The following ROBO1 variants were observed in gnomAD, a reference collection of about 807,000 sequenced individuals.
ROBO1 encodes roundabout guidance receptor 1.
A neutral mutation model predicts 195.9 loss-of-function variants in ROBO1; 149 were observed. That is an observed-to-expected ratio of 0.76 (90% CI 0.67 to 0.87). The LOEUF (loss-of-function observed/expected upper bound fraction) is 0.87. Among genes scored for constraint, ROBO1 ranks in the 40% least tolerant of loss-of-function variants. The probability of loss-of-function intolerance (pLI) is 0.00; values close to 1 mark genes in which losing one functional copy is unlikely to be tolerated. For synonymous variants in ROBO1, 816 were observed against 733.2 expected (o/e 1.11, Z -1.82); for missense variants, 1,933 against 2,068.3 (o/e 0.93, Z 1.27).
chr3:79,174,606 C>A (rs887274448), intron 2 of ROBO1, among the ~76,000 whole-genome samples: 1 of 152,024 alleles, frequency 6.6e-6, no homozygotes, highest in Non-Finnish European at 1.5e-5. Flanking sequence ...CAAATAGGAA[C>A]ACGTGGGTTC....
intron 1 of ROBO1, among the ~76,000 whole-genome samples, chr3:79,595,629 C>T (rs2107841020): frequency 6.6e-6 from 1 of 151,982 alleles, no homozygotes; most frequent in South Asian, 2.1e-4. Flanking sequence ...ACTCCAGTGC[C>T]TCTGAGATCC....
intron 4 of ROBO1, among the ~76,000 whole-genome samples, chr3:78,889,450 A>G (rs2036755557): frequency 6.6e-6 from 1 of 152,242 alleles, no homozygotes; most frequent in Non-Finnish European, 1.5e-5. Flanking sequence ...AAGAAAGCAC[A>G]CATGTGCGTA....
intron 3 of ROBO1, among the ~76,000 whole-genome samples, chr3:79,017,179 G>T (rs1164017890): frequency 6.6e-6 from 1 of 152,120 alleles, no homozygotes; most frequent in Non-Finnish European, 1.5e-5. Context: ...CTTTCAGCCA[G>T]CAGGCACAAT....
At chr3:79,387,219 T>G (rs1191032887) in intron 2 of ROBO1, among the ~76,000 whole-genome samples, 1 of 152,102 alleles carries the variant, frequency 6.6e-6, no homozygotes, top group South Asian at 2.1e-4. Context: ...AAAGTACAGG[T>G]TGATGATAAT....
At chr3:79,700,317 T>TTTGTGTG (rs1553793339) in intron 1 of ROBO1, among the ~76,000 whole-genome samples, 1 of 144,150 alleles carries the variant, frequency 6.9e-6, no homozygotes, top group Admixed American at 7.0e-5. Flanking sequence ...GTGTGTGTGT[T>TTTGTGTG]TGTGTGTGTG....
intron 4 of ROBO1, among the ~76,000 whole-genome samples, chr3:78,835,392 A>G (rs1170160854): frequency 6.6e-6 from 1 of 152,190 alleles, no homozygotes; most frequent in African/African-American, 2.4e-5. Context: ...TTGGCAGACA[A>G]GACACCTGAA....
chr3:79,284,092 G>A (rs2031727358), intron 2 of ROBO1, among the ~76,000 whole-genome samples: 1 of 151,966 alleles, frequency 6.6e-6, no homozygotes, highest in East Asian at 1.9e-4. Flanking sequence ...ATATATGCAT[G>A]TATATATACA....
At chr3:79,500,250 C>A (rs569061269) in intron 2 of ROBO1, among the ~76,000 whole-genome samples, 1 of 149,346 alleles carries the variant, frequency 6.7e-6, no homozygotes, top group African/African-American at 2.5e-5. Context: ...CTGTCTCAGT[C>A]TCCGGAATAG....
In ROBO1 at chr3:79,403,945, A is replaced by T. The variant is rs188482105; in HGVS notation, c.88+185879T>A. 1.6e-4 allele frequency among the ~76,000 whole-genome samples: 25 copies of T among 152,158 alleles called. 1 individual carries two copies. In the East Asian group the frequency reaches 4.8e-3, roughly 29 times the overall value. ...TTATTTCAGTTATGTTCATCCTATT[A>T]GATTACTCAGAGGCTCATAATATCT... is the stretch of plus-strand genomic sequence containing the variant. On this transcript the variant is annotated intron_variant, in intron 2 of 30. Coordinates refer to ENST00000464233, the MANE Select transcript of ROBO1 (RefSeq NM_002941.4).
intron 2 of ROBO1, among the ~76,000 whole-genome samples, chr3:79,275,194 G>A (rs1046694336): frequency 6.6e-6 from 1 of 151,872 alleles, no homozygotes; most frequent in African/African-American, 2.4e-5. Context: ...CAAAACTGCA[G>A]GCCAATATTC....
At chr3:79,610,283 G>T (rs534414990) in intron 1 of ROBO1, among the ~76,000 whole-genome samples, 1 of 151,624 alleles carries the variant, frequency 6.6e-6, no homozygotes, top group African/African-American at 2.4e-5. Flanking sequence ...TTATAAAGTA[G>T]GTACAATATG....
chr3:79,331,164 A>G (rs902230408), intron 2 of ROBO1, among the ~76,000 whole-genome samples: 1 of 152,234 alleles, frequency 6.6e-6, no homozygotes, highest in African/African-American at 2.4e-5. Flanking sequence ...CAGAACTTTA[A>G]GAAAATGAAT....
chr3:79,018,301 C>T, intron 3 of ROBO1: 3 of 1,320,000 alleles, frequency 2.3e-6, no homozygotes, highest in Non-Finnish European at 3.2e-6. Flanking sequence ...CCCCTCCGGC[C>T]TTAGGAGGGA....
At chr3:79,695,685 A>G (rs980707759) in intron 1 of ROBO1, among the ~76,000 whole-genome samples, 1 of 151,490 alleles carries the variant, frequency 6.6e-6, no homozygotes, top group Non-Finnish European at 1.5e-5. Flanking sequence ...GAGCCTATTA[A>G]CAAAGAATTA....
intron 14 of ROBO1, among the ~76,000 whole-genome samples, chr3:78,666,968 C>G (rs1455005295): frequency 6.6e-6 from 1 of 151,940 alleles, no homozygotes; most frequent in Non-Finnish European, 1.5e-5. Context: ...TCGAATCACT[C>G]CCCTCTAGAA....
intron 17 of ROBO1, among the ~76,000 whole-genome samples, chr3:78,659,290 C>G (rs1707232439): frequency 6.6e-6 from 1 of 152,086 alleles, no homozygotes; most frequent in Admixed American, 6.5e-5. Context: ...TTCATATACA[C>G]AAATTTCATA....
At chr3:79,478,146 G>A (rs1443156516) in intron 2 of ROBO1, among the ~76,000 whole-genome samples, 1 of 152,110 alleles carries the variant, frequency 6.6e-6, no homozygotes, top group Non-Finnish European at 1.5e-5. Flanking sequence ...CACCAAATAT[G>A]GCTGCAAGTG....
chr3:78,638,784 G>C (rs1705722537), intron 22 of ROBO1, among the ~76,000 whole-genome samples: 1 of 152,082 alleles, frequency 6.6e-6, no homozygotes, highest in South Asian at 2.1e-4. Flanking sequence ...TGAGGTGAGA[G>C]GATTAGTTGA....
chr3:79,215,324 T>C (rs1327027811), intron 2 of ROBO1, among the ~76,000 whole-genome samples: 1 of 152,058 alleles, frequency 6.6e-6, no homozygotes, highest in African/African-American at 2.4e-5. Context: ...TGTGGGAAAA[T>C]AGAGATCTTC....
Sources: gnomAD v4.1 joint callset for allele counts (sites outside exome capture counted in the v4.1 genomes callset) on GRCh38, gnomAD v4.1.1 for gene constraint, MANE v1.5 for transcripts, NCBI Gene and HGNC (gene_info 2026-07-23, HGNC 2026-07-21) for gene names.